NKAIN2: variants seen among roughly 807,000 people sequenced by gnomAD.
The protein encoded by NKAIN2 is sodium/potassium-transporting ATPase subunit beta-1-interacting protein 2.
NKAIN2 carries 14 observed loss-of-function variants against 32.6 expected under a neutral mutation model. That is an observed-to-expected ratio of 0.43 (90% confidence interval 0.28 to 0.67). NKAIN2 has a LOEUF of 0.67. Among genes scored for constraint, NKAIN2 ranks in the 30% least tolerant of loss-of-function variants. The pLI is 0.17. For synonymous variants in NKAIN2, 80 were observed against 87.2 expected, an observed-to-expected ratio of 0.92 and a Z score of 0.46; for missense variants, 198 against 258.3, an observed-to-expected ratio of 0.77 and a Z score of 1.60.
intron 2 of NKAIN2, among the ~76,000 whole-genome samples, chr6:124,308,007 A>G (rs1310810018): frequency 6.6e-6 from 1 of 152,166 alleles, no homozygotes; most frequent in Non-Finnish European, 1.5e-5. Flanking sequence ...AAGTTCTCAG[A>G]TACATGTGTA....
At chr6:124,658,958 T>TTA in intron 4 of NKAIN2, 1 of 114,392 alleles carries the variant, frequency 8.7e-6, no homozygotes, top group East Asian at 2.5e-4. Context: ...ACTGTAACAA[T>TTA]AAAAAAAAAA....
chr6:124,526,932 A>T (rs1004481939), intron 3 of NKAIN2, among the ~76,000 whole-genome samples: 1 of 152,160 alleles, frequency 6.6e-6, no homozygotes, highest in African/African-American at 2.4e-5. Context: ...TTCTGGTCTG[A>T]ATCATTTTTT....
intron 3 of NKAIN2, among the ~76,000 whole-genome samples, chr6:124,476,974 C>T (rs1449693722): frequency 6.6e-6 from 1 of 152,126 alleles, no homozygotes; most frequent in African/African-American, 2.4e-5. Context: ...AAAGTGTCAC[C>T]CTTTGTACTG....
At chr6:124,635,482 C>T (rs181186831) in intron 3 of NKAIN2, among the ~76,000 whole-genome samples, 24 of 152,070 alleles carry the variant, frequency 1.6e-4, no homozygotes, top group African/African-American at 5.8e-4. Context: ...TAATAACAAC[C>T]TTGACTGTAA....
intron 1 of NKAIN2, among the ~76,000 whole-genome samples, chr6:124,241,924 C>A (rs988705454): frequency 6.6e-6 from 1 of 151,982 alleles, no homozygotes; most frequent in African/African-American, 2.4e-5. Context: ...AAGACCTGAA[C>A]ATAAGACCTA....
At chr6:124,268,197 G>A (rs1794591988) in intron 1 of NKAIN2, among the ~76,000 whole-genome samples, 1 of 152,158 alleles carries the variant, frequency 6.6e-6, no homozygotes, top group Non-Finnish European at 1.5e-5. Flanking sequence ...ACTTACTGTA[G>A]GTGTGCATGA....
intron 1 of NKAIN2, among the ~76,000 whole-genome samples, chr6:123,989,798 A>T (rs530960312): frequency 1.3e-5 from 2 of 152,178 alleles, no homozygotes; most frequent in Non-Finnish European, 2.9e-5. Context: ...TCAAGCATAA[A>T]ATTTATTATG....
chr6:124,123,535 T>C (rs554775361), intron 1 of NKAIN2, among the ~76,000 whole-genome samples: 1 of 152,184 alleles, frequency 6.6e-6, no homozygotes, highest in Non-Finnish European at 1.5e-5. Flanking sequence ...TTTGCATAGA[T>C]GTGCATTTGT....
chr6:123,883,218 C>T (rs1773533906), intron 1 of NKAIN2, among the ~76,000 whole-genome samples: 1 of 152,066 alleles, frequency 6.6e-6, no homozygotes, highest in Non-Finnish European at 1.5e-5. Flanking sequence ...GAACTCGGCT[C>T]ACTGCAAGCT....
chr6:123,978,186 C>T (rs1778727479), intron 1 of NKAIN2, among the ~76,000 whole-genome samples: 2 of 152,002 alleles, frequency 1.3e-5, no homozygotes, highest in Non-Finnish European at 2.9e-5. Context: ...ATTTATTTGT[C>T]CAGTTGCAGT....
intron 2 of NKAIN2, among the ~76,000 whole-genome samples, chr6:124,297,408 A>G (rs1796100319): frequency 6.6e-6 from 1 of 152,204 alleles, no homozygotes; most frequent in South Asian, 2.1e-4. Context: ...AAAGTGGATC[A>G]TTATAAAGAT....
chr6:124,173,511 A>T (rs1443620458), intron 1 of NKAIN2, among the ~76,000 whole-genome samples: 2 of 152,130 alleles, frequency 1.3e-5, no homozygotes, highest in African/African-American at 4.8e-5. Context: ...AAGTGCATAA[A>T]AAATGCAAAG....
intron 3 of NKAIN2, among the ~76,000 whole-genome samples, chr6:124,360,300 G>C (rs1562513420): frequency 6.6e-6 from 1 of 152,124 alleles, no homozygotes; most frequent in Non-Finnish European, 1.5e-5. Flanking sequence ...ATGAGTTCTG[G>C]AGGATTCCCT....
intron 3 of NKAIN2, among the ~76,000 whole-genome samples, chr6:124,426,055 G>C (rs981462762): frequency 6.6e-6 from 1 of 152,092 alleles, no homozygotes; most frequent in Admixed American, 6.6e-5. Flanking sequence ...AAACACTTAT[G>C]ACCTTTATCT....
intron 1 of NKAIN2, among the ~76,000 whole-genome samples, chr6:123,857,723 T>C (rs925908614): frequency 6.6e-6 from 1 of 150,666 alleles, no homozygotes; most frequent in Non-Finnish European, 1.5e-5. Flanking sequence ...TTTAAATAAC[T>C]GATTTCTTAG....
chr6:124,535,348 G>T (rs1028365058), intron 3 of NKAIN2, among the ~76,000 whole-genome samples: 4 of 152,168 alleles, frequency 2.6e-5, no homozygotes, highest in Non-Finnish European at 4.4e-5. Flanking sequence ...AAGTCACATT[G>T]AATTTTTAAA....
intron 3 of NKAIN2, among the ~76,000 whole-genome samples, chr6:124,444,143 G>A (rs549054210): frequency 6.6e-6 from 1 of 152,042 alleles, no homozygotes; most frequent in South Asian, 2.1e-4. Context: ...AGTTATTGTT[G>A]ATAAATTATT....
chr6:124,110,199 T>G (rs1785316321), intron 1 of NKAIN2, among the ~76,000 whole-genome samples: 1 of 151,836 alleles, frequency 6.6e-6, no homozygotes, highest in African/African-American at 2.4e-5. Flanking sequence ...GAGTGCAGTT[T>G]ATCCCAGGGA....
Position 124,324,688 on chromosome 6 carries a change from A to T in NKAIN2, c.193-30579A>T, listed in dbSNP as rs142482237. On this transcript the variant is annotated intron_variant, in intron 2 of 6. Transcript: ENST00000368417. ...CATTCAGTCTTTTACCATTAAGTAGAATTTTAGTTGGTATGTTTTGGAAGT... is the reference window on the plus strand; with the variant it reads ...CATTCAGTCTTTTACCATTAAGTAGTATTTTAGTTGGTATGTTTTGGAAGT... 2.6e-4 allele frequency among the ~76,000 whole-genome samples: 39 copies of T among 151,638 alleles called. 2 individuals are homozygous for T. The East Asian group carries it at 7.3e-3, about 28-fold the overall frequency.
Sources: gnomAD v4.1 joint callset for allele counts (sites outside exome capture counted in the v4.1 genomes callset) on GRCh38, gnomAD v4.1.1 for gene constraint, MANE v1.5 for transcripts, NCBI Gene and HGNC (gene_info 2026-07-23, HGNC 2026-07-21) for gene names.